Variants in ABCB4 observed in about 807,000 individuals in gnomAD.
The protein encoded by ABCB4 is ATP binding cassette subfamily B member 4, also known as phosphatidylcholine translocator ABCB4.
ABCB4 carries 76 observed loss-of-function variants against 145.7 expected under a neutral mutation model. That is an observed-to-expected ratio of 0.52 (90% CI 0.43 to 0.63). ABCB4 has a LOEUF of 0.63. Ranked by LOEUF, ABCB4 falls within the 30% of genes least tolerant of loss-of-function variation. The probability of loss-of-function intolerance (pLI) is 0.00; values close to 1 mark genes in which losing one functional copy is unlikely to be tolerated. For synonymous variants in ABCB4, 517 were observed against 566.8 expected (o/e 0.91, Z 1.25); for missense variants, 1,234 against 1,553.1 (o/e 0.79, Z 3.45).
the ABCB4 span, among the ~76,000 whole-genome samples, chr7:87,388,456 C>T: frequency 6.6e-6 from 1 of 152,108 alleles, no homozygotes; most frequent in East Asian, 1.9e-4. Context: ...GAACAGAGGC[C>T]TTAGAAATAA....
chr7:87,446,941 A>G (rs1811381836), intron 9 of ABCB4, 93 bp downstream of exon 9: 1 of 1,217,624 alleles, frequency 8.2e-7, no homozygotes, highest in Non-Finnish European at 1.2e-6. Context: ...AATCATGTTC[A>G]TCTTTCAAAA....
chr7:87,428,577 C>G (rs1019866756), intron 15 of ABCB4, among the ~76,000 whole-genome samples: 1 of 151,616 alleles, frequency 6.6e-6, no homozygotes, highest in East Asian at 1.9e-4. Flanking sequence ...TTGAAAGGAA[C>G]AAAGCAGGAA....
chr7:87,416,625 T>C (rs139622627), intron 21 of ABCB4, among the ~76,000 whole-genome samples: 1 of 152,254 alleles, frequency 6.6e-6, no homozygotes, highest in African/African-American at 2.4e-5. Flanking sequence ...AAAGAGACCA[T>C]ATAGTAGAGG....
chr7:87,450,397 T>A (rs893298086), intron 7 of ABCB4, among the ~76,000 whole-genome samples: 5 of 152,190 alleles, frequency 3.3e-5, no homozygotes, highest in African/African-American at 1.2e-4. Flanking sequence ...TCTTTGTTAG[T>A]TGTAAGGTAA....
At chr7:87,408,697 G>A (rs1292328707) in intron 24 of ABCB4, among the ~76,000 whole-genome samples, 14 of 152,160 alleles carry the variant, frequency 9.2e-5, no homozygotes, top group Non-Finnish European at 1.0e-4. Flanking sequence ...TGAAATACCT[G>A]GGAAAGTCCT....
In ABCB4 at chr7:87,422,156, G is replaced by T; in HGVS notation, c.2281C>A (p.Leu761Met). 1.9e-6 allele frequency: 3 copies of T among 1,613,156 alleles called. No homozygotes were observed. The highest frequency in any genetic ancestry group is 2.5e-6 in the Non-Finnish European group (3 of 1,179,408). Residue 761 changes from leucine (L) to methionine (M), a missense_variant, in exon 18 of 28, where the codon CTG (leucine) becomes ATG (methionine). Leu to Met is a conservative substitution (Grantham distance 15). Coordinates refer to ENST00000649586, the MANE Select transcript of ABCB4 (RefSeq NM_000443.4). Reference protein sequence around the residue: ...CNIFSLIFLFLGIISFFTFFL... With the variant: ...CNIFSLIFLFMGIISFFTFFL... ...AAAGTAAAAAAAGAAATAATTCCCAGAAATAAGAAAATCAAAGAGAATATG... is the reference window on the plus strand; with the variant it reads ...AAAGTAAAAAAAGAAATAATTCCCATAAATAAGAAAATCAAAGAGAATATG...
At chr7:87,407,125 G>T (rs1464431047) in intron 25 of ABCB4, among the ~76,000 whole-genome samples, 1 of 152,176 alleles carries the variant, frequency 6.6e-6, no homozygotes, top group Non-Finnish European at 1.5e-5. Flanking sequence ...CAGGAGGCAT[G>T]GTGCTCCTAG....
chr7:87,367,369 A>G, the ABCB4 span, among the ~76,000 whole-genome samples: 53 of 152,118 alleles, frequency 3.5e-4, no homozygotes, highest in African/African-American at 1.1e-3. Context: ...GAAGGAAACC[A>G]ATTTTCTTCT....
rs1214110864 is a variant in ABCB4 at position 87,408,071 on chromosome 7, A to T, written c.3245T>A (p.Leu1082Gln). The change falls in exon 25 of 28, where the codon CTG becomes CAG. Residue 1082 changes from leucine (L) to glutamine (Q), a missense_variant. Physicochemically the swap from Leu to Gln is moderately radical, Grantham distance 113. This residue lies in a region of ABCB4 where 301 missense variants were observed against 389.0 expected (regional missense o/e 0.77). Coordinates refer to ENST00000649586, the MANE Select transcript of ABCB4 (RefSeq NM_000443.4). ...GCGKSTVVQLLERFYDPLAGT... is the reference protein window; with the variant it reads ...GCGKSTVVQLQERFYDPLAGT... Reference sequence around the variant, plus strand: ...CGCCAAGGGGTCGTAGAACCGCTCCAGGAGCTGGACCACCGTGCTCTTCCC... The same window carrying T: ...CGCCAAGGGGTCGTAGAACCGCTCCTGGAGCTGGACCACCGTGCTCTTCCC... The T allele has an allele frequency of 2.5e-6, 4 of 1,614,128 alleles. No individual in the cohort carries two copies. Among genetic ancestry groups the T allele is most frequent in the Non-Finnish European group, 3.4e-6 (4 of 1,180,030 alleles).
intron 26 of ABCB4, among the ~76,000 whole-genome samples, chr7:87,405,715 G>A (rs1253337704): frequency 6.6e-6 from 1 of 152,086 alleles, no homozygotes; most frequent in East Asian, 1.9e-4. Context: ...GTGAGCCACC[G>A]TGCCTGGCCA....
intron 26 of ABCB4, 185 bp from the exon 27 acceptor site, chr7:87,403,466 A>G (rs1296282092): frequency 3.3e-6 from 2 of 598,394 alleles, no homozygotes; most frequent in Non-Finnish European, 3.0e-6. Context: ...GTATTCTACA[A>G]TAGGCTATCT....
chr7:87,386,113 G>T, the ABCB4 span, among the ~76,000 whole-genome samples: 1 of 152,158 alleles, frequency 6.6e-6, no homozygotes, highest in Admixed American at 6.5e-5. Flanking sequence ...CTGGGATACT[G>T]CTCTGTAGTT....
chr7:87,462,030 G>A (rs1812491759), intron 4 of ABCB4, among the ~76,000 whole-genome samples: 2 of 152,196 alleles, frequency 1.3e-5, no homozygotes, highest in African/African-American at 4.8e-5. Context: ...GTCTCTTAGA[G>A]AAAAGAGGCT....
At chr7:87,448,889 G>A (rs542653938) in intron 8 of ABCB4, among the ~76,000 whole-genome samples, 1 of 152,264 alleles carries the variant, frequency 6.6e-6, no homozygotes, top group Admixed American at 6.5e-5. Flanking sequence ...AGAGTTGTGA[G>A]TATCAAGAGT....
At chr7:87,388,459 A>G in the ABCB4 span, among the ~76,000 whole-genome samples, 1 of 152,216 alleles carries the variant, frequency 6.6e-6, no homozygotes, top group Non-Finnish European at 1.5e-5. Flanking sequence ...CAGAGGCCTT[A>G]GAAATAACAC....
chr7:87,403,827 T>C (rs1420207967), intron 26 of ABCB4, among the ~76,000 whole-genome samples: 5 of 152,048 alleles, frequency 3.3e-5, no homozygotes, highest in African/African-American at 7.3e-5. Context: ...CACAGCACAC[T>C]ATGAAAGATC....
chr7:87,431,918 C>T (rs11979840), intron 14 of ABCB4, among the ~76,000 whole-genome samples: 2,724 of 152,314 alleles, frequency 0.018, 84 homozygotes, highest in African/African-American at 0.061. Context: ...CTAGAGACAT[C>T]ACCAGAAATA....
rs530665651 is a variant in ABCB4 at position 87,438,646 on chromosome 7, G to A, written c.1731+1021C>T. Among the ~76,000 whole-genome samples, 288 of 152,282 alleles carry A rather than the reference G, an allele frequency of 1.9e-3. 1 individual carries two copies. Among genetic ancestry groups the A allele is most frequent in the African/African-American group, 6.5e-3 (271 of 41,566 alleles). ...CACCTGCAGTCCCAGCTACTCAGGA[G>A]GCTGAGGTGGAAGGATGGCTTGAGC... On this transcript the variant is annotated intron_variant, in intron 14 of 27. Coordinates refer to ENST00000649586, the MANE Select transcript of ABCB4 (RefSeq NM_000443.4).
At chr7:87,432,913 A>G (rs1186782805) in intron 14 of ABCB4, among the ~76,000 whole-genome samples, 3 of 152,198 alleles carry the variant, frequency 2.0e-5, no homozygotes, top group Admixed American at 6.5e-5. Context: ...TCTGAAAAAG[A>G]AGTTAATGAG....
Sources: allele counts gnomAD v4.1 joint callset (sites outside exome capture counted in the v4.1 genomes callset), GRCh38; gene constraint gnomAD v4.1.1; regional missense constraint gnomAD v4.1.1; transcripts MANE v1.5; gene names NCBI Gene and HGNC (gene_info 2026-07-23, HGNC 2026-07-21).